UBE2R2: variants seen among roughly 807,000 people sequenced by gnomAD.
UBE2R2 encodes the protein ubiquitin-conjugating enzyme E2 R2.
A neutral mutation model predicts 27.8 loss-of-function variants in UBE2R2; 1 was observed. The ratio of observed to expected loss-of-function variants is 0.04; its 90% CI spans 0.01 to 0.17. The LOEUF (loss-of-function observed/expected upper bound fraction) is 0.17. UBE2R2 is among the 10% of genes least tolerant of loss of function. The pLI is 1.00. For synonymous variants in UBE2R2, 106 were observed against 113.3 expected (o/e 0.94, Z 0.41); for missense variants, 100 against 291.0 (o/e 0.34, Z 4.78).
At chr9:33,907,772 A>T (rs1822391335) in intron 3 of UBE2R2, among the ~76,000 whole-genome samples, 1 of 151,928 alleles carries the variant, frequency 6.6e-6, no homozygotes, top group African/African-American at 2.4e-5. Context: ...AAACACTTAA[A>T]CTCATTTTTT....
intron 1 of UBE2R2, among the ~76,000 whole-genome samples, chr9:33,863,424 A>AT (rs1179582688): frequency 6.6e-6 from 1 of 151,712 alleles, no homozygotes; most frequent in Non-Finnish European, 1.5e-5. Flanking sequence ...AGGCAGGAGA[A>AT]TCGCCTGAAC....
At position 33,918,477 on chromosome 9, in the gene UBE2R2, TGCAG is replaced by T. The variant is rs1822712116; in HGVS notation, c.*1245_*1248del. 1 of 151,986 alleles carries T rather than the reference TGCAG, an allele frequency of 6.6e-6. No homozygotes were observed. The highest frequency in any genetic ancestry group is 1.5e-5 in the Non-Finnish European group (1 of 68,018). 9.4% of individuals were successfully genotyped at this position (151,986 alleles called of 1,614,324 possible). A position where few individuals can be genotyped will look rare whatever the true frequency, so the allele number is the denominator to read the frequency against. ...TTGTGGCAGGGCTGAGGGAGTTGACTGCAGGCAGTTTTTAGGCCAGATAAGGCTA... is the reference window on the plus strand; with the variant it reads ...TTGTGGCAGGGCTGAGGGAGTTGACTGCAGTTTTTAGGCCAGATAAGGCTA... On this transcript the variant is annotated 3_prime_UTR_variant, in exon 5 of 5. Coordinates refer to ENST00000263228, the MANE Select transcript of UBE2R2 (RefSeq NM_017811.4).
intron 1 of UBE2R2, among the ~76,000 whole-genome samples, chr9:33,836,285 G>A (rs1820613797): frequency 6.6e-6 from 1 of 152,202 alleles, no homozygotes; most frequent in South Asian, 2.1e-4. Flanking sequence ...ATGTGTAGGA[G>A]CCTATACCAT....
intron 1 of UBE2R2, among the ~76,000 whole-genome samples, chr9:33,827,056 C>A (rs184085790): frequency 1.3e-5 from 2 of 152,158 alleles, no homozygotes; most frequent in Non-Finnish European, 2.9e-5. Flanking sequence ...GAGCCGAGAT[C>A]GCGCCACTGC....
At chr9:33,891,377 G>A (rs1444313259) in intron 2 of UBE2R2, among the ~76,000 whole-genome samples, 1 of 151,634 alleles carries the variant, frequency 6.6e-6, no homozygotes, top group Non-Finnish European at 1.5e-5. Context: ...CAGGTGTGGT[G>A]GCTTACGCCT....
At chr9:33,821,837 T>C (rs1563978749) in intron 1 of UBE2R2, among the ~76,000 whole-genome samples, 1 of 152,088 alleles carries the variant, frequency 6.6e-6, no homozygotes, top group Non-Finnish European at 1.5e-5. Context: ...CAGGCTGGTC[T>C]TGAACCCCTG....
chr9:33,852,943 G>C (rs1210514563), intron 1 of UBE2R2, among the ~76,000 whole-genome samples: 2 of 152,134 alleles, frequency 1.3e-5, no homozygotes, highest in African/African-American at 4.8e-5. Context: ...AGGAGGCGGA[G>C]GTTGCAGTGA....
At chr9:33,906,532 A>T (rs1329166234) in intron 3 of UBE2R2, among the ~76,000 whole-genome samples, 1 of 152,122 alleles carries the variant, frequency 6.6e-6, no homozygotes, top group African/African-American at 2.4e-5. Context: ...GCCAGTCTGT[A>T]ATCCTTCAAA....
intron 1 of UBE2R2, among the ~76,000 whole-genome samples, chr9:33,877,535 A>C (rs1175500181): frequency 1.3e-5 from 2 of 152,150 alleles, no homozygotes; most frequent in African/African-American, 2.4e-5. Flanking sequence ...AGAATAATTC[A>C]AAATATTAGA....
intron 3 of UBE2R2, among the ~76,000 whole-genome samples, chr9:33,907,298 CTCT>C (rs1421507609): frequency 6.6e-5 from 10 of 152,058 alleles, no homozygotes. Flanking sequence ...TGTTTCCTTT[CTCT>C]TCTTAGCATT....
chr9:33,851,716 G>C (rs1563988238), intron 1 of UBE2R2, among the ~76,000 whole-genome samples: 1 of 152,072 alleles, frequency 6.6e-6, no homozygotes, highest in Non-Finnish European at 1.5e-5. Flanking sequence ...TGAGTATTTT[G>C]TGAGGAGGTG....
chr9:33,838,312 G>T, intron 1 of UBE2R2, among the ~76,000 whole-genome samples: 1 of 135,960 alleles, frequency 7.4e-6, no homozygotes, highest in Admixed American at 7.7e-5. Flanking sequence ...TTGATCCACT[G>T]TTGGTAGAAC....
intron 1 of UBE2R2, among the ~76,000 whole-genome samples, chr9:33,847,757 T>C (rs1345725249): frequency 6.7e-6 from 1 of 149,434 alleles, no homozygotes; most frequent in African/African-American, 2.5e-5. Context: ...ATTTTTTTTT[T>C]TTTTTTTTTT....
In UBE2R2 at chr9:33,908,577, G is replaced by A. The variant is rs116671228; in HGVS notation, c.363-3387G>A. ...CTATATTAGTCTGCTGTATTACTCA[G>A]TGCCTCTTAAAACATCCTGGATTTT... On this transcript the variant is annotated intron_variant, in intron 3 of 4. Transcript: ENST00000263228. Among the ~76,000 whole-genome samples, 1,273 of 152,300 alleles carry A rather than the reference G, an allele frequency of 8.4e-3. 15 individuals carry two copies. Among genetic ancestry groups the A allele is most frequent in the African/African-American group, 0.028 (1,170 of 41,566 alleles).
intron 1 of UBE2R2, among the ~76,000 whole-genome samples, chr9:33,828,789 G>A (rs533897404): frequency 8.0e-5 from 12 of 150,486 alleles, no homozygotes; most frequent in Admixed American, 2.0e-4. Flanking sequence ...GCTAGAGTGC[G>A]ATGGCATGAT....
intron 2 of UBE2R2, among the ~76,000 whole-genome samples, chr9:33,888,133 G>C (rs1821903950): frequency 6.6e-6 from 1 of 152,152 alleles, no homozygotes; most frequent in Admixed American, 6.6e-5. Context: ...TTATGGCCCA[G>C]AATGTGGTAT....
At chr9:33,866,669 C>G (rs973655734) in intron 1 of UBE2R2, among the ~76,000 whole-genome samples, 1 of 152,128 alleles carries the variant, frequency 6.6e-6, no homozygotes, top group African/African-American at 2.4e-5. Context: ...AGAAAATTGC[C>G]AGTACTACAA....
intron 1 of UBE2R2, among the ~76,000 whole-genome samples, chr9:33,829,804 T>G (rs1014119551): frequency 6.0e-5 from 9 of 150,478 alleles, no homozygotes; most frequent in Non-Finnish European, 1.2e-4. Flanking sequence ...TTTTTTTTTT[T>G]TTTTTTTTTT....
intron 2 of UBE2R2, among the ~76,000 whole-genome samples, chr9:33,893,058 G>C (rs966972036): frequency 5.3e-5 from 8 of 152,174 alleles, no homozygotes; most frequent in Non-Finnish European, 7.3e-5. Context: ...GGGTGACAGA[G>C]CAAGACTGTA....
Sources: gnomAD v4.1 joint callset for allele counts (sites outside exome capture counted in the v4.1 genomes callset) on GRCh38, gnomAD v4.1.1 for gene constraint, MANE v1.5 for transcripts, NCBI Gene and HGNC (gene_info 2026-07-23, HGNC 2026-07-21) for gene names.